Variants in PSMD11 observed in about 807,000 individuals in gnomAD.
PSMD11 encodes the protein 26S proteasome non-ATPase regulatory subunit 11.
A neutral mutation model predicts 62.3 loss-of-function variants in PSMD11; 5 were observed. The observed-to-expected ratio is 0.08, with a 90% CI of 0.04 to 0.17. PSMD11 has a LOEUF of 0.17. PSMD11 is among the 10% of genes least tolerant of loss of function. The pLI is 1.00. For missense variants in PSMD11, 310 were observed against 512.9 expected (o/e 0.60, Z 3.82); for synonymous variants, 191 against 191.8 (o/e 1.00, Z 0.03).
At chr17:32,444,833 C>G (rs940172821) in intron 1 of PSMD11, 13 of 580,646 alleles carry the variant, frequency 2.2e-5, no homozygotes, top group Non-Finnish European at 3.2e-5. Context: ...CCCTCGCCGG[C>G]TGCTGACTCA....
intron 3 of PSMD11, among the ~76,000 whole-genome samples, chr17:32,456,483 C>T (rs1457757450): frequency 3.9e-5 from 6 of 152,134 alleles, no homozygotes; most frequent in Non-Finnish European, 8.8e-5. Context: ...AGGGATTCTC[C>T]TGCCTCAGCC....
intron 8 of PSMD11, 90 bp downstream of exon 8, chr17:32,474,914 T>A (rs1908274289): frequency 8.9e-7 from 1 of 1,121,086 alleles, no homozygotes; most frequent in Non-Finnish European, 1.4e-6. Flanking sequence ...ACTCTTCAGA[T>A]CTTCATACTA....
intron 6 of PSMD11, among the ~76,000 whole-genome samples, chr17:32,471,465 G>T (rs555535224): frequency 6.6e-6 from 1 of 152,196 alleles, no homozygotes; most frequent in Non-Finnish European, 1.5e-5. Context: ...ATAAATATTT[G>T]AAATGAAAAT....
chr17:32,447,866 A>G (rs1907374342), intron 2 of PSMD11, among the ~76,000 whole-genome samples: 1 of 148,534 alleles, frequency 6.7e-6, no homozygotes, highest in African/African-American at 2.5e-5. Flanking sequence ...TGAGAACTAA[A>G]GATTTTTTTT....
Position 32,473,896 on chromosome 17 carries a change from G to A in PSMD11, c.739G>A (p.Ala247Thr). 3 of 1,614,150 alleles carry A rather than the reference G, an allele frequency of 1.9e-6. No individual in the cohort carries two copies. The highest frequency in any genetic ancestry group is 2.5e-6 in the Non-Finnish European group (3 of 1,180,026). Residue 247 changes from alanine to threonine, a missense_variant, in exon 7 of 14, where the codon GCC (alanine) becomes ACC (threonine). Coordinates refer to ENST00000261712, the MANE Select transcript of PSMD11 (RefSeq NM_002815.4). ...EGYDSIDSPK[A>T]ITSLKYMLLC... ...TTATGACTCCATCGACAGCCCCAAG[G>A]CCATCACATCTCTGAAGTACATGTT...
In PSMD11 at chr17:32,447,000, C is replaced by T. The variant is rs1266293022; in HGVS notation, c.147C>T (p.Ser49=). Residue 49 remains serine (S), a synonymous_variant, in exon 2 of 14, where the codon AGC becomes AGT. Coordinates refer to ENST00000261712, the MANE Select transcript of PSMD11 (RefSeq NM_002815.4). ...DEEAVQVKEQ[S]ILELGSLLAK... ...AGGCAGTGCAAGTCAAAGAGCAGAGCATCCTGGAACTGGGATCTCTCCTGG... is the reference window on the plus strand; with the variant it reads ...AGGCAGTGCAAGTCAAAGAGCAGAGTATCCTGGAACTGGGATCTCTCCTGG... 9 of 1,612,972 alleles carry T rather than the reference C, an allele frequency of 5.6e-6. No individual in the cohort carries two copies. Among genetic ancestry groups the T allele is most frequent in the Non-Finnish European group, 6.8e-6 (8 of 1,179,476 alleles).
At chr17:32,469,684 C>T (rs984408737) in intron 6 of PSMD11, among the ~76,000 whole-genome samples, 4 of 148,868 alleles carry the variant, frequency 2.7e-5, no homozygotes, top group Non-Finnish European at 6.0e-5. Context: ...AGGTGGAATA[C>T]TTTCTTTTGT....
At chr17:32,452,983 T>C (rs1907552051) in intron 2 of PSMD11, among the ~76,000 whole-genome samples, 2 of 152,228 alleles carry the variant, frequency 1.3e-5, no homozygotes, top group African/African-American at 4.8e-5. Flanking sequence ...ATGATAATTA[T>C]CTTTAAGTAT....
chr17:32,468,869 A>T, intron 5 of PSMD11, 130 bp from the exon 6 acceptor site: 1 of 807,092 alleles, frequency 1.2e-6, no homozygotes, highest in Non-Finnish European at 1.8e-6. Flanking sequence ...CATGGGGTCT[A>T]GAGGTAACCT....
At chr17:32,467,233 A>G (rs916322128) in intron 5 of PSMD11, among the ~76,000 whole-genome samples, 1 of 121,878 alleles carries the variant, frequency 8.2e-6, no homozygotes, top group Non-Finnish European at 1.7e-5. Context: ...GTGAGCCACC[A>G]TGCCCGGCCT....
intron 2 of PSMD11, among the ~76,000 whole-genome samples, chr17:32,449,588 G>A (rs1320837006): frequency 2.6e-5 from 4 of 151,996 alleles, no homozygotes; most frequent in Non-Finnish European, 5.9e-5. Context: ...CCTGCCTTGT[G>A]ACCTGAGAAG....
At chr17:32,451,191 C>T (rs1196316339) in intron 2 of PSMD11, among the ~76,000 whole-genome samples, 4 of 151,652 alleles carry the variant, frequency 2.6e-5, no homozygotes, top group South Asian at 2.1e-4. Context: ...CTTCTTTCGG[C>T]GTAAGAAGGA....
intron 3 of PSMD11, among the ~76,000 whole-genome samples, chr17:32,455,872 G>A (rs1907635269): frequency 6.6e-6 from 1 of 152,046 alleles, no homozygotes; most frequent in Non-Finnish European, 1.5e-5. Flanking sequence ...GTCCGGGTGC[G>A]GTGGCTCACG....
chr17:32,452,829 C>A (rs1387075956), intron 2 of PSMD11, among the ~76,000 whole-genome samples: 3 of 152,090 alleles, frequency 2.0e-5, no homozygotes, highest in African/African-American at 7.3e-5. Flanking sequence ...CTGGGTACCA[C>A]AAAATACCAC....
chr17:32,450,443 T>TG lies in PSMD11; in HGVS notation c.193+3397_193+3398insG, dbSNP rs1214405614. On this transcript the variant is annotated intron_variant, in intron 2 of 13. Transcript: ENST00000261712. Reference sequence around the variant, plus strand: ...GCTAATTTTTTTTTTTTTTTTTTTCTTTTAGTAGAGACGAGGTTTCACCAT... The same window carrying TG: ...GCTAATTTTTTTTTTTTTTTTTTTCTGTTTAGTAGAGACGAGGTTTCACCAT... Among the ~76,000 whole-genome samples, 8 of 134,282 alleles carry TG rather than the reference T, an allele frequency of 6.0e-5. No homozygotes were observed. The South Asian group carries it at 1.9e-3, about 32-fold the overall frequency. 88.1% of individuals were successfully genotyped at this position (134,282 alleles called of 152,430 possible). A position where few individuals can be genotyped will look rare whatever the true frequency, so the allele number is the denominator to read the frequency against.
chr17:32,479,159 T>C, intron 9 of PSMD11, 92 bp from the exon 10 acceptor site: 1 of 1,495,704 alleles, frequency 6.7e-7, no homozygotes, highest in South Asian at 1.3e-5. Flanking sequence ...CCATGTAGTT[T>C]TATAAGGGCC....
At chr17:32,446,117 G>T (rs1297589573) in intron 1 of PSMD11, 1 of 152,142 alleles carries the variant, frequency 6.6e-6, no homozygotes, top group African/African-American at 2.4e-5. Context: ...AGAGTTCCCT[G>T]AAAGCTTCAC....
chr17:32,473,979 C>CA (rs1294488555), intron 7 of PSMD11, 34 bp downstream of exon 7: 1 of 1,609,482 alleles, frequency 6.2e-7, no homozygotes, highest in Non-Finnish European at 8.5e-7. Context: ...TACAAGAACT[C>CA]AGATCCTTCA....
At chr17:32,460,866 C>G (rs994781057) in intron 3 of PSMD11, among the ~76,000 whole-genome samples, 6 of 151,792 alleles carry the variant, frequency 4.0e-5, no homozygotes, top group Non-Finnish European at 5.9e-5. Flanking sequence ...GGTTTGGAGC[C>G]TAGAAAGTGA....
Sources: gnomAD v4.1 joint callset for allele counts (sites outside exome capture counted in the v4.1 genomes callset) on GRCh38, gnomAD v4.1.1 for gene constraint, MANE v1.5 for transcripts, NCBI Gene and HGNC (gene_info 2026-07-23, HGNC 2026-07-21) for gene names.